The following SEC14L5 variants were observed in gnomAD, a reference collection of about 807,000 sequenced individuals.
The protein encoded by SEC14L5 is SEC14-like protein 5.
SEC14L5 carries 96 observed loss-of-function variants against 84.6 expected under a neutral mutation model. The ratio of observed to expected loss-of-function variants is 1.13; its 90% CI spans 0.96 to 1.34. SEC14L5 has a LOEUF of 1.34. Ranked by LOEUF, SEC14L5 falls within the 40% of genes most tolerant of loss-of-function variation. The pLI is 0.00. For missense variants in SEC14L5, 1,224 were observed against 942.5 expected (o/e 1.30, Z -3.91); for synonymous variants, 546 against 383.4 (o/e 1.42, Z -4.95).
At position 5,000,784 on chromosome 16, in the gene SEC14L5, C is replaced by T. The variant is rs201667700; in HGVS notation, c.1059+41C>T. ...CGTTCCTGGACGCCGTGCCTGGGGC[C>T]GGGCCTGGGAAGGACTGTGTGGGGT... is the stretch of plus-strand genomic sequence containing the variant. On this transcript the variant is annotated intron_variant, in intron 9 of 15. Transcript: ENST00000251170. 529 of 1,556,732 alleles carry T rather than the reference C, an allele frequency of 3.4e-4. 1 individual carries two copies. Among genetic ancestry groups the T allele is most frequent in the African/African-American group, 2.2e-3 (161 of 73,438 alleles).
chr16:5,010,440 C>T (rs1955786948), intron 14 of SEC14L5, among the ~76,000 whole-genome samples: 1 of 152,084 alleles, frequency 6.6e-6, no homozygotes, highest in African/African-American at 2.4e-5. Context: ...CCTGTTGATC[C>T]CCACATTCTC....
chr16:4,996,878 T>A lies in SEC14L5; in HGVS notation c.804T>A (p.Leu268=). Residue 268 remains leucine (L), a synonymous_variant, in exon 8 of 16, where the codon CTT becomes CTA. Coordinates refer to ENST00000251170, the MANE Select transcript of SEC14L5 (RefSeq NM_014692.2). ...AGATTCCCAAAGATGAGCACATCCTTCGGTTCCTGCGGGCTCATGACTTCC... is the reference window on the plus strand; with the variant it reads ...AGATTCCCAAAGATGAGCACATCCTACGGTTCCTGCGGGCTCATGACTTCC... ...KGKIPKDEHI[L]RFLRAHDFHL... is the part of the protein sequence containing the mutation. 6.2e-7 allele frequency: 1 copy of A among 1,613,174 alleles called. No homozygotes were observed. Among genetic ancestry groups the A allele is most frequent in the Non-Finnish European group, 8.5e-7 (1 of 1,179,560 alleles).
At chr16:5,008,785 A>G in intron 14 of SEC14L5, 137 bp downstream of exon 14, 2 of 740,086 alleles carry the variant, frequency 2.7e-6, no homozygotes, top group South Asian at 1.7e-5. Flanking sequence ...GACAGGGCAG[A>G]GGAAAGACAC....
intron 8 of SEC14L5, among the ~76,000 whole-genome samples, chr16:5,000,196 C>T (rs1955659555): frequency 1.3e-5 from 2 of 150,382 alleles, no homozygotes; most frequent in Admixed American, 6.6e-5. Context: ...GAGGCTGAGG[C>T]AGGAAAATTG....
intron 11 of SEC14L5, among the ~76,000 whole-genome samples, chr16:5,004,101 G>A (rs945434799): frequency 1.3e-5 from 2 of 152,232 alleles, no homozygotes; most frequent in African/African-American, 4.8e-5. Context: ...TGGAGGAACT[G>A]AAGAAACAGT....
In SEC14L5 at chr16:5,018,414, C is replaced by G. The variant is rs530781758; in HGVS notation, c.*3444C>G. ...GGGCGTGGTGGCTCATGCCTATAATCCCAACACTTTGGGAGGCTGAGGCCG... is the reference window on the plus strand; with the variant it reads ...GGGCGTGGTGGCTCATGCCTATAATGCCAACACTTTGGGAGGCTGAGGCCG... On this transcript the variant is annotated 3_prime_UTR_variant, in exon 16 of 16. Transcript: ENST00000251170. The G allele has an allele frequency of 6.6e-6, 1 of 152,264 alleles. No homozygotes were observed. Among genetic ancestry groups the G allele is most frequent in the Non-Finnish European group, 1.5e-5 (1 of 68,098 alleles). The allele number at this position is 152,264 out of a possible 1,614,324, so 9.4% of individuals were successfully genotyped here.
At chr16:5,002,263 C>G (rs1955685340) in intron 10 of SEC14L5, among the ~76,000 whole-genome samples, 1 of 149,682 alleles carries the variant, frequency 6.7e-6, no homozygotes, top group Admixed American at 6.7e-5. Flanking sequence ...ATATCCCGAT[C>G]TTTGTGAAAA....
At chr16:5,007,573 G>T in intron 13 of SEC14L5, 87 bp downstream of exon 13, 1 of 1,042,258 alleles carries the variant, frequency 9.6e-7, no homozygotes, top group African/African-American at 1.6e-5. Context: ...CTTGAGATGA[G>T]GATTCTTTTT....
At chr16:4,998,485 TC>T (rs1261368404) in intron 8 of SEC14L5, among the ~76,000 whole-genome samples, 1 of 149,694 alleles carries the variant, frequency 6.7e-6, no homozygotes, top group Admixed American at 6.7e-5. Context: ...ACGCCTGTAA[TC>T]CCAGCACTTT....
chr16:4,970,600 G>A (rs1301239494), intron 2 of SEC14L5, among the ~76,000 whole-genome samples: 3 of 152,192 alleles, frequency 2.0e-5, no homozygotes, highest in African/African-American at 7.2e-5. Flanking sequence ...CCCTCCCGGA[G>A]CCATCAGGGG....
At chr16:4,983,440 TTCTA>T (rs148612990) in intron 2 of SEC14L5, among the ~76,000 whole-genome samples, 22,490 of 149,626 alleles carry the variant, frequency 0.15, 1,902 homozygotes, top group African/African-American at 0.2. Flanking sequence ...TTTATTTATA[TTCTA>T]TCTATGTTTA....
intron 11 of SEC14L5, 60 bp downstream of exon 11, chr16:5,003,633 C>T (rs925749359): frequency 1.1e-5 from 10 of 948,816 alleles, no homozygotes; most frequent in Admixed American, 9.5e-5. Context: ...GGAGGGGTTC[C>T]GTCTGCAAGC....
intron 2 of SEC14L5, among the ~76,000 whole-genome samples, chr16:4,979,464 C>G (rs1306211640): frequency 6.6e-6 from 1 of 152,200 alleles, no homozygotes; most frequent in Non-Finnish European, 1.5e-5. Flanking sequence ...ACACGGTATG[C>G]AGTGAGCCCA....
rs55930593 is a variant in SEC14L5, at chr16:5,005,863, C to CA, written c.1303-32dup. The CA allele has an allele frequency of 8.5e-3, 10,345 of 1,219,334 alleles. 5 individuals carry two copies. The highest frequency in any genetic ancestry group is 0.014 in the East Asian group (440 of 31,036). 75.5% of individuals were successfully genotyped at this position (1,219,334 alleles called of 1,614,324 possible). On this transcript the variant is annotated intron_variant, in intron 11 of 15. Transcript: ENST00000251170. Reference sequence around the variant, plus strand: ...TGGGCGACTGAGCAAGACTCCGTCTCAAAAAAAAAAAAAAAAAAACCATCC... The same window carrying CA: ...TGGGCGACTGAGCAAGACTCCGTCTCAAAAAAAAAAAAAAAAAAAACCATCC...
chr16:4,966,263 G>C (rs1319954882), intron 2 of SEC14L5, among the ~76,000 whole-genome samples: 3 of 143,390 alleles, frequency 2.1e-5, no homozygotes, highest in East Asian at 4.1e-4. Flanking sequence ...ACCGCGCCCG[G>C]CCTCTTTTTT....
intron 2 of SEC14L5, among the ~76,000 whole-genome samples, chr16:4,982,664 A>G (rs1432418106): frequency 6.6e-6 from 1 of 152,234 alleles, no homozygotes; most frequent in Non-Finnish European, 1.5e-5. Context: ...GCTCGTGGCC[A>G]AATCCTGTGT....
chr16:4,977,958 G>T (rs912409709), intron 2 of SEC14L5, among the ~76,000 whole-genome samples: 2 of 149,554 alleles, frequency 1.3e-5, no homozygotes, highest in Non-Finnish European at 3.0e-5. Context: ...GCACCACCAC[G>T]CCTGGCTAAT....
chr16:4,959,154 C>T (rs1425492420), intron 1 of SEC14L5, 119 bp from the exon 2 acceptor site: 1 of 619,860 alleles, frequency 1.6e-6, no homozygotes, highest in East Asian at 2.7e-5. Context: ...TCAGCCTTCT[C>T]AATTTGAAGG....
intron 2 of SEC14L5, among the ~76,000 whole-genome samples, chr16:4,983,240 C>T (rs938066909): frequency 1.3e-5 from 2 of 151,922 alleles, no homozygotes; most frequent in Non-Finnish European, 2.9e-5. Flanking sequence ...TCTCAAACTC[C>T]TGACCTTAAA....
Sources: gnomAD v4.1 joint callset for allele counts (sites outside exome capture counted in the v4.1 genomes callset) on GRCh38, gnomAD v4.1.1 for gene constraint, MANE v1.5 for transcripts, NCBI Gene and HGNC (gene_info 2026-07-23, HGNC 2026-07-21) for gene names.